The following EED variants were observed in gnomAD, a reference collection of about 807,000 sequenced individuals.
EED encodes the protein embryonic ectoderm development, also known as polycomb protein EED.
EED carries 9 observed loss-of-function variants against 61.0 expected under a neutral mutation model. That is an observed-to-expected ratio of 0.15 (90% CI 0.09 to 0.26). EED has a LOEUF of 0.26. Ranked by LOEUF, EED falls within the 10% of genes least tolerant of loss-of-function variation. EED has a pLI of 1.00. For synonymous variants in EED, 187 were observed against 174.4 expected (o/e 1.07, Z -0.57); for missense variants, 315 against 542.3 (o/e 0.58, Z 4.16).
chr11:86,280,706 A>G (rs1946313843), downstream of EED, among the ~76,000 whole-genome samples: 1 of 152,258 alleles, frequency 6.6e-6, no homozygotes, highest in Non-Finnish European at 1.5e-5. Context: ...ACAATGTAGA[A>G]TGAGCAAATT....
Position 86,268,045 on chromosome 11 carries a change from A to C in EED, c.861-411A>C, listed in dbSNP as rs895491680. Reference sequence around the variant, plus strand: ...ATGACTATCTTTTGAAATAGTGTAGATATATTGACTTTCATAGATTATTAA... The same window carrying C: ...ATGACTATCTTTTGAAATAGTGTAGCTATATTGACTTTCATAGATTATTAA... On this transcript the variant is annotated intron_variant, in intron 8 of 11. Transcript: ENST00000263360. 1.9e-5 allele frequency: 3 copies of C among 154,238 alleles called. No homozygotes were observed. The Admixed American group carries it at 2.0e-4, about 10-fold the overall frequency. 9.6% of individuals were successfully genotyped at this position (154,238 alleles called of 1,614,324 possible).
chr11:86,283,046 G>GA (rs1171295087), downstream of EED, among the ~76,000 whole-genome samples: 4 of 151,272 alleles, frequency 2.6e-5, no homozygotes, highest in Admixed American at 2.0e-4. Context: ...AGGCAGGAGG[G>GA]AAAAAAAAGA....
chr11:86,272,988 G>A (rs1257353179), intron 9 of EED, among the ~76,000 whole-genome samples: 1 of 151,700 alleles, frequency 6.6e-6, no homozygotes, highest in Non-Finnish European at 1.5e-5. Flanking sequence ...TTTCTCTATA[G>A]TAACTCATTA....
Position 86,253,227 on chromosome 11 carries a change from G to T in EED, c.360+987G>T, listed in dbSNP as rs184243473. ...TGTAGGTTTTAAGATAATGTAGTCT[G>T]CTTATAGTTGTTTAGTTCCTAGATT... On this transcript the variant is annotated intron_variant, in intron 3 of 11. Transcript: ENST00000263360. 2.5e-3 allele frequency among the ~76,000 whole-genome samples: 377 copies of T among 152,206 alleles called. 3 individuals are homozygous for T. Among genetic ancestry groups the T allele is most frequent in the Non-Finnish European group, 2.8e-3 (187 of 67,998 alleles).
At chr11:86,278,124 A>G in intron 11 of EED, 133 bp downstream of exon 11, 2 of 1,366,406 alleles carry the variant, frequency 1.5e-6, no homozygotes, top group African/African-American at 3.0e-5. Flanking sequence ...TCAGAGTTAA[A>G]GTTATTCTTT....
chr11:86,250,423 C>T lies in EED; in HGVS notation c.242C>T (p.Ser81Phe), dbSNP rs1945500202. 6.2e-7 allele frequency: 1 copy of T among 1,605,914 alleles called. No individual in the cohort carries two copies. Among genetic ancestry groups the T allele is most frequent in the East Asian group, 2.3e-5 (1 of 44,158 alleles). ...TGGAAGTCAAAGAAATGCAAATATT[C>T]TTTCAAATGTGTAAATAGTCTCAAG... ...GKWKSKKCKY[S>F]FKCVNSLKED... The change falls in exon 2 of 12, where the codon TCT becomes TTT. Residue 81 changes from serine to phenylalanine, a missense_variant. By Grantham distance (155) the Ser-to-Phe change is radical. Around this residue, in one of 2 missense-constraint regions of EED, gnomAD observed 205 missense variants for 455.4 expected, o/e 0.45. Coordinates refer to ENST00000263360, the MANE Select transcript of EED (RefSeq NM_003797.5).
rs553511936 is a variant in EED at position 86,278,227 on chromosome 11, A to G, written c.1200-172A>G. The G allele has an allele frequency of 2.0e-5, 27 of 1,336,566 alleles. No homozygotes were observed. In the African/African-American group the frequency reaches 3.7e-4, roughly 18 times the overall value. 82.8% of individuals were successfully genotyped at this position (1,336,566 alleles called of 1,614,324 possible). On this transcript the variant is annotated intron_variant, in intron 11 of 11. Transcript: ENST00000263360. Reference sequence around the variant, plus strand: ...TTATGTAGTGCTTGTTGAACTTAAAATATATCTAAATTTTATAAAATTTGA... The same window carrying G: ...TTATGTAGTGCTTGTTGAACTTAAAGTATATCTAAATTTTATAAAATTTGA...
intron 10 of EED, chr11:86,277,618 A>G (rs1324074368): frequency 1.9e-5 from 4 of 212,626 alleles, no homozygotes; most frequent in Non-Finnish European, 3.7e-5. Context: ...GGCTTTCCAC[A>G]GCATTTGCTG....
chr11:86,250,439 T>C lies in EED; in HGVS notation c.258T>C (p.Asn86=). 6.2e-7 allele frequency: 1 copy of C among 1,601,404 alleles called. No homozygotes were observed. The highest frequency in any genetic ancestry group is 1.1e-5 in the South Asian group (1 of 89,122). Residue 86 remains asparagine (N), a synonymous_variant, in exon 2 of 12, where the codon AAT becomes AAC. Transcript: ENST00000263360. ...KKCKYSFKCV[N]SLKEDHNQPL... is the part of the protein sequence containing the mutation. Reference sequence around the variant, plus strand: ...GCAAATATTCTTTCAAATGTGTAAATAGTCTCAAGGTATGTGCAAAAAAAG... The same window carrying C: ...GCAAATATTCTTTCAAATGTGTAAACAGTCTCAAGGTATGTGCAAAAAAAG...
At chr11:86,261,087 C>T (rs1317302133) in intron 6 of EED, among the ~76,000 whole-genome samples, 1 of 152,062 alleles carries the variant, frequency 6.6e-6, no homozygotes, top group Non-Finnish European at 1.5e-5. Context: ...CCTCTAGCCC[C>T]CAAAATTCAA....
intron 7 of EED, chr11:86,265,710 G>A (rs1400716382): frequency 6.5e-6 from 1 of 153,616 alleles, no homozygotes; most frequent in Non-Finnish European, 1.4e-5. Context: ...GTTGGTTGAG[G>A]TTGGATAGGA....
Position 86,252,144 on chromosome 11 carries a change from A to G in EED, c.268-4A>G. Reference sequence around the variant, plus strand: ...TCTTTTCTTATTTCATGATTATTTTATAGGAAGATCATAACCAACCATTGT... The same window carrying G: ...TCTTTTCTTATTTCATGATTATTTTGTAGGAAGATCATAACCAACCATTGT... On this transcript the variant is annotated splice_region_variant and splice_polypyrimidine_tract_variant and intron_variant, in intron 2 of 11. Coordinates refer to ENST00000263360, the MANE Select transcript of EED (RefSeq NM_003797.5). 6.2e-7 allele frequency: 1 copy of G among 1,605,584 alleles called. No homozygotes were observed. The highest frequency in any genetic ancestry group is 8.5e-7 in the Non-Finnish European group (1 of 1,174,022).
intron 6 of EED, 85 bp downstream of exon 6, chr11:86,257,681 A>T (rs1226206163): frequency 9.1e-6 from 10 of 1,100,170 alleles, no homozygotes; most frequent in Non-Finnish European, 1.3e-5. Flanking sequence ...CCTGACAAAT[A>T]GGAAAAACCA....
chr11:86,282,076 A>G (rs1946330297), downstream of EED, among the ~76,000 whole-genome samples: 2 of 152,106 alleles, frequency 1.3e-5, no homozygotes, highest in Non-Finnish European at 2.9e-5. Flanking sequence ...GCCAATCTTG[A>G]TTTATCTATA....
chr11:86,247,315 G>A (rs1447205770), intron 1 of EED, among the ~76,000 whole-genome samples: 1 of 152,132 alleles, frequency 6.6e-6, no homozygotes, highest in Non-Finnish European at 1.5e-5. Context: ...ATTTTTAGAT[G>A]TATGAAATAC....
At chr11:86,245,741 C>T (rs1565685614) in intron 1 of EED, among the ~76,000 whole-genome samples, 1 of 152,128 alleles carries the variant, frequency 6.6e-6, no homozygotes, top group Non-Finnish European at 1.5e-5. Context: ...GTTAAAGGAG[C>T]GTAAGGGTTG....
chr11:86,265,828 T>C (rs1002653142), intron 7 of EED: 1 of 240,344 alleles, frequency 4.2e-6, no homozygotes, highest in Non-Finnish European at 7.9e-6. Flanking sequence ...ATTGAATAGA[T>C]AAAACTAAGT....
At chr11:86,277,335 C>T (rs1946256020) in intron 10 of EED, 197 bp downstream of exon 10, 1 of 422,264 alleles carries the variant, frequency 2.4e-6, no homozygotes. Flanking sequence ...TGCATATGAT[C>T]TGCAGTGCTT....
chr11:86,256,523 C>G lies in EED; in HGVS notation c.552+11C>G, dbSNP rs1945679229. The G allele has an allele frequency of 1.3e-6, 2 of 1,539,978 alleles. No individual in the cohort carries two copies. The highest frequency in any genetic ancestry group is 2.8e-5 in the African/African-American group (2 of 72,622). On this transcript the variant is annotated intron_variant, in intron 5 of 11. Coordinates refer to ENST00000263360, the MANE Select transcript of EED (RefSeq NM_003797.5). ...ATGCAGTGTATAAAGGTGGGTTTTTCTGGTTAAATTGTAGATCTGCTTCTT... is the reference window on the plus strand; with the variant it reads ...ATGCAGTGTATAAAGGTGGGTTTTTGTGGTTAAATTGTAGATCTGCTTCTT...
Sources: gnomAD v4.1 joint callset for allele counts (sites outside exome capture counted in the v4.1 genomes callset) on GRCh38, gnomAD v4.1.1 for gene constraint, gnomAD v4.1.1 regional missense constraint, MANE v1.5 for transcripts, NCBI Gene and HGNC (gene_info 2026-07-23, HGNC 2026-07-21) for gene names.